DENND3: variants seen among roughly 807,000 people sequenced by gnomAD.
DENND3 encodes DENN domain containing 3.
A neutral mutation model predicts 135.1 loss-of-function variants in DENND3; 88 were observed. The observed-to-expected ratio is 0.65, with a 90% confidence interval of 0.55 to 0.78. DENND3 has a LOEUF of 0.78. DENND3 is among the 30% of genes least tolerant of loss of function. The pLI is 0.00. For synonymous variants in DENND3, 693 were observed against 712.3 expected (o/e 0.97, Z 0.43); for missense variants, 1,392 against 1,688.4 (o/e 0.82, Z 3.08).
In DENND3 at chr8:141,144,232, C is replaced by A. The variant is rs779591535; in HGVS notation, c.708C>A (p.Pro236=). 8 of 1,613,632 alleles carry A rather than the reference C, an allele frequency of 5.0e-6. No individual in the cohort carries two copies. In the Admixed American group the frequency reaches 1.3e-4, roughly 27 times the overall value. ...TCGCTGCGAAGCTGTCTTTAATACC[C>A]AGCCCGCCACCTGGACCGCTCCATT... ...KDFAAKLSLI[P]SPPPGPLHLV... is the part of the protein sequence containing the mutation. Residue 236 remains proline (P), a synonymous_variant, in exon 5 of 23, where the codon CCC becomes CCA. Coordinates refer to ENST00000519811, the MANE Select transcript of DENND3 (RefSeq NM_001352890.3). The surrounding 1 kb of genome is among the most constrained non-coding windows in gnomAD (Gnocchi z 4.4).
intron 7 of DENND3, among the ~76,000 whole-genome samples, chr8:141,155,278 T>G (rs945649309): frequency 6.6e-6 from 1 of 152,202 alleles, no homozygotes; most frequent in Non-Finnish European, 1.5e-5. Flanking sequence ...ATGTTTATTT[T>G]ACCACAATTA....
intron 17 of DENND3, 31 bp from the exon 18 acceptor site, chr8:141,185,108 C>T: frequency 6.3e-7 from 1 of 1,598,694 alleles, no homozygotes; most frequent in Non-Finnish European, 8.5e-7. Flanking sequence ...AGTGTTTCCT[C>T]CTAACAGTTT....
In DENND3 at chr8:141,176,625, G is replaced by A. The variant is rs1822410784; in HGVS notation, c.2570G>A (p.Arg857Gln). The A allele has an allele frequency of 2.5e-6, 4 of 1,614,078 alleles. No individual in the cohort carries two copies. Among genetic ancestry groups the A allele is most frequent in the Non-Finnish European group, 3.4e-6 (4 of 1,180,042 alleles). Residue 857 changes from arginine (R) to glutamine (Q), a missense_variant, in exon 15 of 23, where the codon CGG (arginine) becomes CAG (glutamine). Arg to Gln is a conservative substitution (Grantham distance 43). Coordinates refer to ENST00000519811, the MANE Select transcript of DENND3 (RefSeq NM_001352890.3). ...VRRTTTTFLLRRIPTLKIRVA... is the reference protein window; with the variant it reads ...VRRTTTTFLLQRIPTLKIRVA... ...AGAACCACTACTACATTTCTACTTC[G>A]GAGAATACCCACTTTAAAAATCAGA... is the stretch of plus-strand genomic sequence containing the variant.
Position 141,151,652 on chromosome 8 carries a change from G to A in DENND3, c.889G>A (p.Val297Ile), listed in dbSNP as rs571831372. Reference protein sequence around the residue: ...LTCILTEQRIVFFSSDWALLT... With the variant: ...LTCILTEQRIIFFSSDWALLT... ...ATGCATCCTGACGGAACAGCGGATC[G>A]TCTTCTTCTCCTCGGACTGGGCTCT... Residue 297 changes from valine (V) to isoleucine (I), a missense_variant, in exon 7 of 23, where the codon GTC becomes ATC. Transcript: ENST00000519811. The A allele has an allele frequency of 1.2e-5, 19 of 1,613,898 alleles. No homozygotes were observed. The highest frequency in any genetic ancestry group is 8.3e-5 in the Admixed American group (5 of 60,000).
chr8:141,148,181 T>C (rs1193246463), intron 5 of DENND3, among the ~76,000 whole-genome samples: 1 of 152,178 alleles, frequency 6.6e-6, no homozygotes, highest in Non-Finnish European at 1.5e-5. Flanking sequence ...GTGTTTTGAA[T>C]GCGTGTGTGT....
rs2154612822 is a variant in DENND3, at chr8:141,144,170, T to C, written c.646T>C (p.Cys216Arg). ...LSCLLALLKP[C>R]KDFEVDSHIK... ...CAGTTTATTGGCTCTTCTGAAGCCC[T>C]GTAAAGATTTTGAAGTGGACAGTCA... The change falls in exon 5 of 23, where the codon TGT (cysteine) becomes CGT (arginine). Residue 216 changes from cysteine to arginine, a missense_variant. Cys to Arg is a radical substitution (Grantham distance 180). Coordinates refer to ENST00000519811, the MANE Select transcript of DENND3 (RefSeq NM_001352890.3). This position sits in a 1 kb window ranked among gnomAD's most constrained non-coding sequence, Gnocchi z 4.4. 6.2e-7 allele frequency: 1 copy of C among 1,612,932 alleles called. No individual in the cohort carries two copies. Among genetic ancestry groups the C allele is most frequent in the Non-Finnish European group, 8.5e-7 (1 of 1,179,770 alleles).
In DENND3 at chr8:141,138,923, T is replaced by C. The variant is rs370835073; in HGVS notation, c.501+786T>C. ...GATGGACCTGTGGGTTGTTTCCGCC[T>C]TTTGTCTTTGGTGTGAGCGACTGGC... On this transcript the variant is annotated intron_variant, in intron 3 of 22. Transcript: ENST00000519811. The surrounding 1 kb of genome is among the most constrained non-coding windows in gnomAD (Gnocchi z 4.8). 4.0e-3 allele frequency among the ~76,000 whole-genome samples: 611 copies of C among 152,354 alleles called. 4 individuals carry two copies. The highest frequency in any genetic ancestry group is 0.014 in the African/African-American group (591 of 41,580).
chr8:141,193,005 C>CCAGG (rs1020491519), intron 22 of DENND3: 8 of 845,830 alleles, frequency 9.5e-6, no homozygotes, highest in Non-Finnish European at 1.3e-5. Flanking sequence ...AGCGTGCACT[C>CCAGG]CAGGCCCTTC....
intron 8 of DENND3, 108 bp from the exon 9 acceptor site, chr8:141,160,524 C>T (rs1026737584): frequency 2.3e-5 from 29 of 1,274,554 alleles, no homozygotes; most frequent in Admixed American, 8.6e-5. Flanking sequence ...AATTATTGAT[C>T]GGTATTTGTG....
intron 20 of DENND3, among the ~76,000 whole-genome samples, chr8:141,190,824 C>T (rs919972774): frequency 1.3e-5 from 2 of 152,232 alleles, no homozygotes; most frequent in African/African-American, 4.8e-5. Flanking sequence ...GTGCTCTGTT[C>T]CCCTCGGCTG....
Position 141,136,802 on chromosome 8 carries a change from G to C in DENND3, c.385+11G>C, listed in dbSNP as rs1243154597. The stretch of plus-strand genomic sequence containing the variant: ...AGCTGTGCTTCCCAGGTATGTCTAG[G>C]AGGTGGGCACCACTGGGCGCCTCCT... On this transcript the variant is annotated intron_variant, in intron 2 of 22. Coordinates refer to ENST00000519811, the MANE Select transcript of DENND3 (RefSeq NM_001352890.3). 6.4e-7 allele frequency: 1 copy of C among 1,552,848 alleles called. No individual in the cohort carries two copies.
At chr8:141,181,815 A>G (rs1823157080) in intron 17 of DENND3, among the ~76,000 whole-genome samples, 1 of 151,662 alleles carries the variant, frequency 6.6e-6, no homozygotes, top group African/African-American at 2.4e-5. Context: ...TCTGTTGCCC[A>G]GGCTGGAGTG....
chr8:141,158,669 C>G (rs1041428569), intron 8 of DENND3, among the ~76,000 whole-genome samples: 1 of 152,222 alleles, frequency 6.6e-6, no homozygotes, highest in African/African-American at 2.4e-5. Context: ...ATGCATCTCT[C>G]TGCACGTGAG....
Position 141,192,422 on chromosome 8 carries a change from C to G in DENND3, c.3471C>G (p.Ser1157=), listed in dbSNP as rs774518375. ...AGAACTTCAAAGACACCAGTACCTC[C>G]TTCCTGGCCTTCCAGCTCCTTCCTG... is the stretch of plus-strand genomic sequence containing the variant. The part of the protein sequence containing the change: ...IEENFKDTST[S]FLAFQLLPEE... The change falls in exon 21 of 23, where the codon TCC becomes TCG. Residue 1157 remains serine, a synonymous_variant. Coordinates refer to ENST00000519811, the MANE Select transcript of DENND3 (RefSeq NM_001352890.3). The G allele has an allele frequency of 2.5e-6, 4 of 1,614,242 alleles. No homozygotes were observed. The highest frequency in any genetic ancestry group is 3.4e-6 in the Non-Finnish European group (4 of 1,180,022).
At position 141,174,121 on chromosome 8, in the gene DENND3, C is replaced by T. The variant is rs567645003; in HGVS notation, c.2276-1079C>T. Among the ~76,000 whole-genome samples, 27 of 151,968 alleles carry T rather than the reference C, an allele frequency of 1.8e-4. No individual in the cohort carries two copies. Among genetic ancestry groups the T allele is most frequent in the African/African-American group, 5.8e-4 (24 of 41,438 alleles). On this transcript the variant is annotated intron_variant, in intron 13 of 22. Coordinates refer to ENST00000519811, the MANE Select transcript of DENND3 (RefSeq NM_001352890.3). The surrounding 1 kb of genome is among the most constrained non-coding windows in gnomAD (Gnocchi z 4.6). The stretch of plus-strand genomic sequence containing the variant: ...AGCAGGCAGGATGAGTGTGTGTGTG[C>T]GTGTAACAACACGACCTGTTTGGGA...
chr8:141,194,104 G>A lies in DENND3; in HGVS notation c.3708G>A (p.Arg1236=). Residue 1236 remains arginine (R), a synonymous_variant, in exon 23 of 23, where the codon AGG becomes AGA. Coordinates refer to ENST00000519811, the MANE Select transcript of DENND3 (RefSeq NM_001352890.3). The part of the protein sequence containing the change: ...KGKIYVIDAE[R]KTVEKELVAH... The stretch of plus-strand genomic sequence containing the variant: ...AAATCTACGTGATTGACGCCGAGAG[G>A]AAGACCGTGGAGAAGGAGCTGGTGG... 6.2e-7 allele frequency: 1 copy of A among 1,613,986 alleles called. No homozygotes were observed.
chr8:141,176,659 C>T lies in DENND3; in HGVS notation c.2604C>T (p.Ser868=), dbSNP rs768899595. 9.3e-6 allele frequency: 15 copies of T among 1,614,224 alleles called. No individual in the cohort carries two copies. In the Admixed American group the frequency reaches 1.8e-4, roughly 20 times the overall value. The part of the protein sequence containing the change: ...RIPTLKIRVA[S]KKEVFEANLK... ...CCACTTTAAAAATCAGAGTGGCGTC[C>T]AAGAAAGAAGTCTTCGAAGCCAACC... Residue 868 remains serine, a synonymous_variant, in exon 15 of 23, where the codon TCC becomes TCT. Coordinates refer to ENST00000519811, the MANE Select transcript of DENND3 (RefSeq NM_001352890.3).
intron 1 of DENND3, 139 bp from the exon 2 acceptor site, chr8:141,136,370 T>C (rs1816786033): frequency 2.2e-6 from 2 of 902,188 alleles, no homozygotes; most frequent in Middle Eastern, 3.1e-4. Flanking sequence ...CAGGAGCCCT[T>C]TACTGTTAGG....
In DENND3 at chr8:141,151,792, C is replaced by T; in HGVS notation, c.1029C>T (p.Ser343=). 6.2e-7 allele frequency: 1 copy of T among 1,614,264 alleles called. No individual in the cohort carries two copies. The highest frequency in any genetic ancestry group is 8.5e-7 in the Non-Finnish European group (1 of 1,180,060). ...TGGATTTCGTCATGGCCCCCACGTC[C>T]TTCCTGATGGGCTGCCATCTCGACC... ...QMLDFVMAPT[S]FLMGCHLDHF... Residue 343 remains serine (S), a synonymous_variant, in exon 7 of 23, where the codon TCC becomes TCT. Transcript: ENST00000519811.
Sources: allele counts gnomAD v4.1 joint callset (sites outside exome capture counted in the v4.1 genomes callset), GRCh38; gene constraint gnomAD v4.1.1; non-coding constraint Gnocchi (gnomAD v3.1); transcripts MANE v1.5; gene names NCBI Gene and HGNC (gene_info 2026-07-23, HGNC 2026-07-21).